Variants in CADPS observed in about 807,000 individuals in gnomAD.
CADPS encodes the protein calcium-dependent secretion activator 1.
Under a neutral mutation model 167.3 loss-of-function variants are expected in CADPS, and 57 were observed. The ratio of observed to expected loss-of-function variants is 0.34; its 90% CI spans 0.28 to 0.42. CADPS has a LOEUF of 0.42. Among genes scored for constraint, CADPS ranks in the 20% least tolerant of loss-of-function variants. The pLI is 1.00. For synonymous variants in CADPS, 676 were observed against 635.3 expected (o/e 1.06, Z -0.96); for missense variants, 1,414 against 1,738.1 (o/e 0.81, Z 3.32).
At chr3:62,852,044 C>G (rs952578100) in intron 1 of CADPS, among the ~76,000 whole-genome samples, 2 of 147,508 alleles carry the variant, frequency 1.4e-5, no homozygotes, top group Non-Finnish European at 3.0e-5. Flanking sequence ...ATTGCTGATA[C>G]CCTTTCTTCC....
chr3:62,541,573 T>C (rs1163551374), intron 11 of CADPS, among the ~76,000 whole-genome samples: 4 of 152,138 alleles, frequency 2.6e-5, no homozygotes, highest in South Asian at 2.1e-4. Flanking sequence ...GTCTAAACCT[T>C]GCCCCAAGTT....
intron 6 of CADPS, among the ~76,000 whole-genome samples, chr3:62,639,076 T>A (rs948347829): frequency 6.6e-6 from 1 of 152,114 alleles, no homozygotes; most frequent in African/African-American, 2.4e-5. Flanking sequence ...CAAACTGGTC[T>A]TAAATAAACA....
chr3:62,793,497 A>C (rs2093130893), intron 1 of CADPS, among the ~76,000 whole-genome samples: 1 of 152,184 alleles, frequency 6.6e-6, no homozygotes. Flanking sequence ...TTGCCGCATC[A>C]CAGTTAAACC....
At chr3:62,853,748 C>G (rs1430480697) in intron 1 of CADPS, among the ~76,000 whole-genome samples, 1 of 151,918 alleles carries the variant, frequency 6.6e-6, no homozygotes, top group Non-Finnish European at 1.5e-5. Context: ...ATCACTTGAA[C>G]CCAGGAGTTT....
Position 62,399,341 on chromosome 3 carries a change from C to A in CADPS, c.*65G>T. On this transcript the variant is annotated 3_prime_UTR_variant, in exon 30 of 30. Transcript: ENST00000383710. The surrounding 1 kb of genome is among the most constrained non-coding windows in gnomAD (Gnocchi z 5.6). ...GACAGAAAATTCCTAATGGGTTTAA[C>A]TAACAGACTAAGGACATGCACTGAT... is the stretch of plus-strand genomic sequence containing the variant. 1 of 1,493,956 alleles carries A rather than the reference C, an allele frequency of 6.7e-7. No individual in the cohort carries two copies. Among genetic ancestry groups the A allele is most frequent in the Non-Finnish European group, 9.2e-7 (1 of 1,084,780 alleles). The allele number at this position is 1,493,956 out of a possible 1,614,324, so 92.5% of individuals were successfully genotyped here. A position where few individuals can be genotyped will look rare whatever the true frequency, so the allele number is the denominator to read the frequency against.
intron 2 of CADPS, among the ~76,000 whole-genome samples, chr3:62,763,635 G>C (rs868066586): frequency 1.2e-4 from 19 of 152,256 alleles, no homozygotes; most frequent in Admixed American, 7.9e-4. Context: ...ATAGCCCAAG[G>C]ATGAAGGGGA....
chr3:62,788,556 G>A (rs961823271), intron 1 of CADPS, among the ~76,000 whole-genome samples: 5 of 152,120 alleles, frequency 3.3e-5, no homozygotes, highest in African/African-American at 9.7e-5. Flanking sequence ...CTTGGGACCC[G>A]ACACAGCTGT....
At chr3:62,786,103 C>T (rs1441228298) in intron 1 of CADPS, among the ~76,000 whole-genome samples, 1 of 152,124 alleles carries the variant, frequency 6.6e-6, no homozygotes, top group Non-Finnish European at 1.5e-5. Context: ...TTCCCAGCTA[C>T]TCAGGAGGCT....
intron 7 of CADPS, among the ~76,000 whole-genome samples, chr3:62,591,579 G>A (rs138059074): frequency 6.6e-6 from 1 of 152,218 alleles, no homozygotes; most frequent in African/African-American, 2.4e-5. Context: ...GTGAAGAGGT[G>A]AGCAGAAGCC....
At chr3:62,765,366 A>T (rs1239174584) in intron 2 of CADPS, among the ~76,000 whole-genome samples, 1 of 152,196 alleles carries the variant, frequency 6.6e-6, no homozygotes, top group African/African-American at 2.4e-5. Context: ...CATTTTGGAC[A>T]GTGGTTCCAG....
chr3:62,840,424 G>A (rs1230890587), intron 1 of CADPS, among the ~76,000 whole-genome samples: 8 of 152,052 alleles, frequency 5.3e-5, no homozygotes, highest in Non-Finnish European at 7.4e-5. Flanking sequence ...TGAAATACAT[G>A]GTTTAACACA....
chr3:62,576,078 A>G (rs2082209083), intron 8 of CADPS, among the ~76,000 whole-genome samples: 2 of 152,222 alleles, frequency 1.3e-5, no homozygotes, highest in Admixed American at 1.3e-4. Context: ...TATTGCAGAC[A>G]TACAGGTGGC....
At position 62,478,723 on chromosome 3, in the gene CADPS, CAT is replaced by C. The variant is rs1266368978; in HGVS notation, c.3174-309_3174-308del. ...CCTTCTTTTAATAACCACATTAACA[CAT>C]GTGATGATTCAGATGAAGGCCACGA... is the stretch of plus-strand genomic sequence containing the variant. On this transcript the variant is annotated intron_variant, in intron 22 of 29. Coordinates refer to ENST00000383710, the MANE Select transcript of CADPS (RefSeq NM_003716.4). This position sits in a 1 kb window ranked among gnomAD's most constrained non-coding sequence, Gnocchi z 5.7. Among the ~76,000 whole-genome samples the C allele has an allele frequency of 6.6e-6, 1 of 152,122 alleles. No homozygotes were observed. Among genetic ancestry groups the C allele is most frequent in the Non-Finnish European group, 1.5e-5 (1 of 68,016 alleles).
Position 62,505,352 on chromosome 3 carries a change from T to C in CADPS, c.2600-6084A>G, listed in dbSNP as rs1031937670. On this transcript the variant is annotated intron_variant, in intron 17 of 29. Coordinates refer to ENST00000383710, the MANE Select transcript of CADPS (RefSeq NM_003716.4). ...GATGGATCATGGATTTTTCCCATGCTTTTCATTGGAGCCATCGTTGTCTTT... is the reference window on the plus strand; with the variant it reads ...GATGGATCATGGATTTTTCCCATGCCTTTCATTGGAGCCATCGTTGTCTTT... Among the ~76,000 whole-genome samples, 5 of 152,342 alleles carry C rather than the reference T, an allele frequency of 3.3e-5. No homozygotes were observed. In the East Asian group the frequency reaches 9.6e-4, roughly 29 times the overall value.
chr3:62,690,196 T>C (rs1298259957), intron 3 of CADPS, among the ~76,000 whole-genome samples: 1 of 152,022 alleles, frequency 6.6e-6, no homozygotes, highest in Non-Finnish European at 1.5e-5. Context: ...CAGCTGCCCC[T>C]GTTAAGTGGG....
chr3:62,533,141 AGGGGACTG>A, intron 12 of CADPS, 83 bp from the exon 13 acceptor site: 2 of 1,213,388 alleles, frequency 1.6e-6, no homozygotes, highest in Admixed American at 2.0e-5. Flanking sequence ...TGGCTAGAGA[AGGGGACTG>A]AAAAATAGCC....
intron 3 of CADPS, among the ~76,000 whole-genome samples, chr3:62,707,504 G>C (rs1349795996): frequency 6.6e-6 from 1 of 152,108 alleles, no homozygotes; most frequent in Non-Finnish European, 1.5e-5. Flanking sequence ...CTGAATGAAT[G>C]AATCAAAAGC....
intron 3 of CADPS, among the ~76,000 whole-genome samples, chr3:62,726,038 C>T (rs1410260158): frequency 6.6e-6 from 1 of 151,648 alleles, no homozygotes; most frequent in Non-Finnish European, 1.5e-5. Flanking sequence ...AGGGAGGAGG[C>T]TGACGGCCTA....
At chr3:62,707,340 G>C (rs1271592729) in intron 3 of CADPS, among the ~76,000 whole-genome samples, 1 of 152,128 alleles carries the variant, frequency 6.6e-6, no homozygotes, top group Non-Finnish European at 1.5e-5. Flanking sequence ...CCCCGGGTCT[G>C]TGAAAACATT....
Sources: allele counts gnomAD v4.1 joint callset (sites outside exome capture counted in the v4.1 genomes callset), GRCh38; gene constraint gnomAD v4.1.1; non-coding constraint Gnocchi (gnomAD v3.1); transcripts MANE v1.5; gene names NCBI Gene and HGNC (gene_info 2026-07-23, HGNC 2026-07-21).